Variants in SAG observed in about 807,000 individuals in gnomAD.
SAG encodes S-arrestin.
In SAG, 45 loss-of-function variants were observed where a neutral mutation model predicts 55.0. That is an observed-to-expected ratio of 0.82 (90% CI 0.64 to 1.05). SAG has a LOEUF of 1.05. SAG is among the 50% of genes least tolerant of loss of function. SAG has a pLI of 0.00. For missense variants in SAG, 455 were observed against 512.1 expected (o/e 0.89, Z 1.08); for synonymous variants, 189 against 197.4 (o/e 0.96, Z 0.36).
At chr2:233,342,186 G>A in intron 13 of SAG, 85 bp from the exon 14 acceptor site, 1 of 996,876 alleles carries the variant, frequency 1.0e-6, no homozygotes, top group Non-Finnish European at 1.5e-6. Flanking sequence ...GATCTTTTGT[G>A]ACTCTCCGCA....
intron 7 of SAG, 40 bp from the exon 8 acceptor site, chr2:233,328,438 G>C: frequency 1.3e-6 from 2 of 1,598,802 alleles, no homozygotes; most frequent in Non-Finnish European, 1.7e-6. Flanking sequence ...AAAGCGGCCT[G>C]GGTGCCAATC....
In SAG at chr2:233,326,930, C is replaced by T. The variant is rs901556144; in HGVS notation, c.436-191C>T. Among the ~76,000 whole-genome samples, 8 of 152,362 alleles carry T rather than the reference C, an allele frequency of 5.3e-5. No individual in the cohort carries two copies. In the South Asian group the frequency reaches 1.7e-3, roughly 32 times the overall value. ...GGGGCTTTGGGCCCATGGCACACTC[C>T]TTGCGCTACTGTAATTGTTTCACTG... On this transcript the variant is annotated intron_variant, in intron 6 of 15. Coordinates refer to ENST00000409110, the MANE Select transcript of SAG (RefSeq NM_000541.5).
chr2:233,346,925 A>C lies in SAG; in HGVS notation c.*13A>C. 3.0e-5 allele frequency: 45 copies of C among 1,514,370 alleles called. No individual in the cohort carries two copies. The highest frequency in any genetic ancestry group is 3.7e-5 in the Non-Finnish European group (40 of 1,093,820). 93.8% of individuals were successfully genotyped at this position (1,514,370 alleles called of 1,614,324 possible). ...CGTTGATGAGTGAAGATGTCGGCTC[A>C]GGATGCCGGAAAATGACCTGTAGTT... On this transcript the variant is annotated 3_prime_UTR_variant, in exon 16 of 16. Coordinates refer to ENST00000409110, the MANE Select transcript of SAG (RefSeq NM_000541.5).
chr2:233,332,305 C>T (rs1285941144), intron 10 of SAG: 1 of 153,394 alleles, frequency 6.5e-6, no homozygotes. Flanking sequence ...TAATACATGG[C>T]TTGGAGTGGG....
chr2:233,324,059 C>T lies in SAG; in HGVS notation c.435+1054C>T, dbSNP rs993997539. ...AGGGCGCACCTCGCCTGGTGTGTTC[C>T]GGGGGCAGTGAGGAGGTTGCCTGCT... On this transcript the variant is annotated intron_variant, in intron 6 of 15. Coordinates refer to ENST00000409110, the MANE Select transcript of SAG (RefSeq NM_000541.5). Among the ~76,000 whole-genome samples, 17 of 151,980 alleles carry T rather than the reference C, an allele frequency of 1.1e-4. 1 individual carries two copies. Among genetic ancestry groups the T allele is most frequent in the Admixed American group, 1.3e-4 (2 of 15,242 alleles).
At chr2:233,326,372 G>A (rs1700555864) in intron 6 of SAG, among the ~76,000 whole-genome samples, 1 of 152,110 alleles carries the variant, frequency 6.6e-6, no homozygotes, top group Non-Finnish European at 1.5e-5. Context: ...GGATCATGAG[G>A]TCAAGAGTTT....
chr2:233,336,404 A>C (rs1416388411), intron 11 of SAG, among the ~76,000 whole-genome samples: 17 of 151,704 alleles, frequency 1.1e-4, no homozygotes, highest in African/African-American at 3.6e-4. Context: ...AATCTCAGCT[A>C]CTCGAGAGGC....
intron 11 of SAG, among the ~76,000 whole-genome samples, chr2:233,336,446 C>T (rs569827307): frequency 2.0e-5 from 3 of 150,916 alleles, no homozygotes; most frequent in Non-Finnish European, 4.4e-5. Flanking sequence ...ACCCGGGAGG[C>T]GGAGGTTGTG....
At chr2:233,323,923 T>G (rs1700465705) in intron 6 of SAG, among the ~76,000 whole-genome samples, 1 of 152,068 alleles carries the variant, frequency 6.6e-6, no homozygotes, top group African/African-American at 2.4e-5. Flanking sequence ...AAGAGGCTTG[T>G]GAGAGACAAG....
At chr2:233,346,491 G>C in intron 15 of SAG, 79 bp downstream of exon 15, 1 of 1,473,716 alleles carries the variant, frequency 6.8e-7, no homozygotes, top group Non-Finnish European at 9.5e-7. Context: ...CCCTCTTTGA[G>C]TCTTTGCACA....
chr2:233,337,862 G>A (rs1049270371), intron 11 of SAG, among the ~76,000 whole-genome samples: 16 of 152,030 alleles, frequency 1.1e-4, no homozygotes, highest in Non-Finnish European at 2.1e-4. Context: ...CATGTCCTCC[G>A]CGTTGGATCC....
At chr2:233,323,802 TCA>T (rs888222973) in intron 6 of SAG, among the ~76,000 whole-genome samples, 10 of 152,036 alleles carry the variant, frequency 6.6e-5, no homozygotes, top group Non-Finnish European at 1.5e-4. Context: ...GTGAACAAAA[TCA>T]CAGAGTCCCA....
chr2:233,334,633 G>C (rs1700865976), intron 10 of SAG: 1 of 235,336 alleles, frequency 4.2e-6, no homozygotes, highest in African/African-American at 2.2e-5. Context: ...AGGCCACCGT[G>C]TGGTTCACAA....
chr2:233,309,395 A>G lies in SAG; in HGVS notation c.75+131A>G, dbSNP rs147387118. 1.4e-3 allele frequency: 1,103 copies of G among 767,890 alleles called. 6 individuals carry two copies. Among genetic ancestry groups the G allele is most frequent in the Middle Eastern group, 6.7e-3 (19 of 2,822 alleles). 47.6% of individuals were successfully genotyped at this position (767,890 alleles called of 1,614,324 possible). ...CCAGGGCGCGGTGGCTCATGCCTGT[A>G]ATCCCAGCACTTTGGGAGGCGGAGG... On this transcript the variant is annotated intron_variant, in intron 2 of 15. Transcript: ENST00000409110.
rs1701078384 is a variant in SAG, at chr2:233,340,873, A to T, written c.1046+395A>T. 6.6e-6 allele frequency among the ~76,000 whole-genome samples: 1 copy of T among 151,964 alleles called. No homozygotes were observed. Among genetic ancestry groups the T allele is most frequent in the Non-Finnish European group, 1.5e-5 (1 of 67,994 alleles). On this transcript the variant is annotated intron_variant, in intron 13 of 15. Coordinates refer to ENST00000409110, the MANE Select transcript of SAG (RefSeq NM_000541.5). The surrounding 1 kb of genome is among the most constrained non-coding windows in gnomAD (Gnocchi z 4.2). The stretch of plus-strand genomic sequence containing the variant: ...CTGTGGCCCAGCCTGGAGTGCAGTG[A>T]CGTGATCTCGGCTCACCGTGACCTC...
intron 2 of SAG, among the ~76,000 whole-genome samples, chr2:233,315,112 C>T (rs767801934): frequency 2.6e-5 from 4 of 152,114 alleles, no homozygotes; most frequent in Non-Finnish European, 5.9e-5. Flanking sequence ...TAGAGACCTT[C>T]GTTGCCAGGG....
intron 2 of SAG, among the ~76,000 whole-genome samples, chr2:233,309,563 T>C (rs1275360829): frequency 6.6e-6 from 1 of 152,166 alleles, no homozygotes; most frequent in Non-Finnish European, 1.5e-5. Flanking sequence ...AAGAATCACT[T>C]GAACCCAGGA....
At chr2:233,317,955 G>A (rs1361789606) in intron 3 of SAG, among the ~76,000 whole-genome samples, 3 of 152,128 alleles carry the variant, frequency 2.0e-5, no homozygotes, top group Non-Finnish European at 4.4e-5. Context: ...GTATAATTAA[G>A]TTATATATGT....
chr2:233,346,432 G>A lies in SAG; in HGVS notation c.1112+20G>A. The A allele has an allele frequency of 6.2e-7, 1 of 1,613,482 alleles. No homozygotes were observed. ...GGAAAGGTGAGTGAGCCTCTTGAAT[G>A]TGGCCCTGATTTGTCCTATGCTCTG... On this transcript the variant is annotated intron_variant, in intron 15 of 15. Transcript: ENST00000409110.
Sources: gnomAD v4.1 joint callset for allele counts (sites outside exome capture counted in the v4.1 genomes callset) on GRCh38, gnomAD v4.1.1 for gene constraint, Gnocchi (gnomAD v3.1) non-coding constraint, MANE v1.5 for transcripts, NCBI Gene and HGNC (gene_info 2026-07-23, HGNC 2026-07-21) for gene names.